Variants in TXNIP observed in about 807,000 individuals in gnomAD.
The protein encoded by TXNIP is thioredoxin interacting protein.
In TXNIP, 23 loss-of-function variants were observed where a neutral mutation model predicts 43.9. The ratio of observed to expected loss-of-function variants is 0.52; its 90% CI spans 0.38 to 0.74. The LOEUF is 0.74. Among genes scored for constraint, TXNIP ranks in the 30% least tolerant of loss-of-function variants. TXNIP has a pLI of 0.00. For synonymous variants in TXNIP, 234 were observed against 172.2 expected, an observed-to-expected ratio of 1.36 and a Z score of -2.81; for missense variants, 555 against 485.4, an observed-to-expected ratio of 1.14 and a Z score of -1.35.
Position 145,994,923 on chromosome 1 carries a change from T to G in TXNIP, c.574+6A>C. 1.9e-6 allele frequency: 3 copies of G among 1,614,150 alleles called. No homozygotes were observed. The highest frequency in any genetic ancestry group is 2.5e-6 in the Non-Finnish European group (3 of 1,180,012). ...GTTTTAACTGCCATAAGCACTAGGA[T>G]TTTACCTTCACAGAATCCTTTTCTG... On this transcript the variant is annotated splice_donor_region_variant and intron_variant, in intron 4 of 7. Transcript: ENST00000582401.
chr1:145,995,113 A>G (rs1553766247), intron 3 of TXNIP, 31 bp downstream of exon 3: 2 of 1,613,774 alleles, frequency 1.2e-6, no homozygotes, highest in Non-Finnish European at 1.7e-6. Context: ...CTCATGACCC[A>G]GGAGAATAGA....
At chr1:145,994,470 A>T in intron 5 of TXNIP, 33 bp from the exon 6 acceptor site, 1 of 1,613,212 alleles carries the variant, frequency 6.2e-7, no homozygotes, top group Non-Finnish European at 8.5e-7. Flanking sequence ...ATTACACCAG[A>T]GGTCTGGAGA....
chr1:145,992,466 A>AT lies in TXNIP; in HGVS notation c.*1384dup, dbSNP rs1173878766. On this transcript the variant is annotated 3_prime_UTR_variant, in exon 8 of 8. Transcript: ENST00000582401. ...TTTCCATTAAAAAAACTTTATTTTC[A>AT]TTTTTTACAAAGAATATCCCCATCT... is the stretch of plus-strand genomic sequence containing the variant. 3.3e-5 allele frequency: 5 copies of AT among 152,514 alleles called. No homozygotes were observed. Among genetic ancestry groups the AT allele is most frequent in the African/African-American group, 1.2e-4 (5 of 41,392 alleles). 9.4% of individuals were successfully genotyped at this position (152,514 alleles called of 1,614,324 possible).
At chr1:145,995,861 G>T in intron 1 of TXNIP, 156 bp downstream of exon 1, 2 of 919,716 alleles carry the variant, frequency 2.2e-6, no homozygotes, top group Non-Finnish European at 3.2e-6. Flanking sequence ...GGGGGGGGAG[G>T]AGAATGTCTG....
intron 6 of TXNIP, 45 bp from the exon 7 acceptor site, chr1:145,994,212 G>T: frequency 6.2e-7 from 1 of 1,612,868 alleles, no homozygotes; most frequent in Admixed American, 1.7e-5. Context: ...CCCAAGAAAT[G>T]CTGGACCATC....
intron 4 of TXNIP, 28 bp downstream of exon 4, chr1:145,994,896 CTGTTT>C (rs782513315): frequency 1.2e-6 from 2 of 1,614,068 alleles, no homozygotes; most frequent in Non-Finnish European, 1.7e-6. Context: ...AACCCAGTTC[CTGTTT>C]TAACTGCCAT....
chr1:145,994,026 G>A lies in TXNIP; in HGVS notation c.1130C>T (p.Thr377Ile). Residue 377 changes from threonine to isoleucine, a missense_variant, in exon 7 of 8, where the codon ACT becomes ATT. Transcript: ENST00000582401. ...GATGACAATCCTCACCTCAGTATAA[G>A]TCGGTGGTGGCATGAACTTGAACTC... The part of the protein sequence containing the change: ...APEFKFMPPP[T>I]YTEVDPCILN... 6.2e-7 allele frequency: 1 copy of A among 1,614,196 alleles called. No homozygotes were observed. Among genetic ancestry groups the A allele is most frequent in the Non-Finnish European group, 8.5e-7 (1 of 1,180,044 alleles).
Position 145,996,335 on chromosome 1 carries a change from A to C in TXNIP, c.-69T>G. ...GAAAAAAAAAGCTCCAAATCGAGGA[A>C]ACCCCTTTGCAAAAAATTATTTCAC... is the stretch of plus-strand genomic sequence containing the variant. On this transcript the variant is annotated 5_prime_UTR_variant, in exon 1 of 8. Transcript: ENST00000582401. 1 of 1,532,704 alleles carries C rather than the reference A, an allele frequency of 6.5e-7. No homozygotes were observed. Among genetic ancestry groups the C allele is most frequent in the Non-Finnish European group, 8.8e-7 (1 of 1,134,472 alleles). The allele number at this position is 1,532,704 out of a possible 1,614,324, so 94.9% of individuals were successfully genotyped here. A position where few individuals can be genotyped will look rare whatever the true frequency, so the allele number is the denominator to read the frequency against.
chr1:145,996,016 C>T lies in TXNIP; in HGVS notation c.250+1G>A, dbSNP rs1191120997. The T allele has an allele frequency of 6.2e-7, 1 of 1,612,988 alleles. No homozygotes were observed. The highest frequency in any genetic ancestry group is 8.5e-7 in the Non-Finnish European group (1 of 1,179,762). Reference sequence around the variant, plus strand: ...CTCCAACAATGAATTGGGCCGCTTACCTGTTGGCTGGTCTTCCAGAAGAAG... The same window carrying T: ...CTCCAACAATGAATTGGGCCGCTTATCTGTTGGCTGGTCTTCCAGAAGAAG... On this transcript the variant is annotated splice_donor_variant, in intron 1 of 7. Transcript: ENST00000582401. LOFTEE classifies it high-confidence loss of function.
rs150097816 is a variant in TXNIP, at chr1:145,994,675, A to G, written c.700T>C (p.Leu234=). 45 of 1,614,146 alleles carry G rather than the reference A, an allele frequency of 2.8e-5. No homozygotes were observed. In the East Asian group the frequency reaches 9.6e-4, roughly 34 times the overall value. Residue 234 remains leucine, a synonymous_variant, in exon 5 of 8, where the codon TTG becomes CTG. Coordinates refer to ENST00000582401, the MANE Select transcript of TXNIP (RefSeq NM_006472.6). ...NGQTKVLTQK[L]SSVRGNHIIS... is the part of the protein sequence containing the mutation. ...ATATGATTGCCTCTGACTGATGACA[A>G]CTTCTGAGTCAGCACCTTGGTCTGG...
Position 145,993,625 on chromosome 1 carries a change from T to A in TXNIP, c.*226A>T. 2 of 473,762 alleles carry A rather than the reference T, an allele frequency of 4.2e-6. No homozygotes were observed. The highest frequency in any genetic ancestry group is 7.5e-6 in the Non-Finnish European group (2 of 266,304). The allele number at this position is 473,762 out of a possible 1,614,324, so 29.3% of individuals were successfully genotyped here. A position where few individuals can be genotyped will look rare whatever the true frequency, so the allele number is the denominator to read the frequency against. On this transcript the variant is annotated 3_prime_UTR_variant, in exon 8 of 8. Transcript: ENST00000582401. Reference sequence around the variant, plus strand: ...GTTTTTCTAGTTATTTTTAAACCCATCCAACAAACACCCCTGTATCACAAC... The same window carrying A: ...GTTTTTCTAGTTATTTTTAAACCCAACCAACAAACACCCCTGTATCACAAC...
chr1:145,993,006 A>AT lies in TXNIP; in HGVS notation c.*844dup, dbSNP rs1651231187. 3 of 152,926 alleles carry AT rather than the reference A, an allele frequency of 2.0e-5. No homozygotes were observed. Among genetic ancestry groups the AT allele is most frequent in the African/African-American group, 7.2e-5 (3 of 41,604 alleles). The allele number at this position is 152,926 out of a possible 1,614,324, so 9.5% of individuals were successfully genotyped here. On this transcript the variant is annotated 3_prime_UTR_variant, in exon 8 of 8. Coordinates refer to ENST00000582401, the MANE Select transcript of TXNIP (RefSeq NM_006472.6). The stretch of plus-strand genomic sequence containing the variant: ...ACACAGTAGACCAGTTTCAGCTTAC[A>AT]TTTAAGATGGCAGAAGGGGAGAACA...
At chr1:145,995,787 C>T in intron 1 of TXNIP, 1 of 629,618 alleles carries the variant, frequency 1.6e-6, no homozygotes, top group Non-Finnish European at 2.7e-6. Flanking sequence ...CCCGAGGCAA[C>T]GCCCCTCAGG....
In TXNIP at chr1:145,994,036, G is replaced by A. The variant is rs781962171; in HGVS notation, c.1120C>T (p.Pro374Ser). The A allele has an allele frequency of 6.2e-7, 1 of 1,614,172 alleles. No individual in the cohort carries two copies. Among genetic ancestry groups the A allele is most frequent in the South Asian group, 1.1e-5 (1 of 91,084 alleles). The change falls in exon 7 of 8, where the codon CCA (proline) becomes TCA (serine). Residue 374 changes from proline (P) to serine (S), a missense_variant. By Grantham distance (74) the Pro-to-Ser change is moderately conservative. Coordinates refer to ENST00000582401, the MANE Select transcript of TXNIP (RefSeq NM_006472.6). ...FMYAPEFKFM[P>S]PPTYTEVDPC... ...CTCACCTCAGTATAAGTCGGTGGTG[G>A]CATGAACTTGAACTCAGGGGCATAC... is the stretch of plus-strand genomic sequence containing the variant.
chr1:145,995,895 G>C lies in TXNIP; in HGVS notation c.250+122C>G. On this transcript the variant is annotated intron_variant, in intron 1 of 7. Transcript: ENST00000582401. ...TGCAAATTAAAACAGAAAAAAGGAA[G>C]CAACAACACGTAATTCAAACCACTC... is the stretch of plus-strand genomic sequence containing the variant. 2.5e-6 allele frequency: 3 copies of C among 1,213,278 alleles called. No individual in the cohort carries two copies. The South Asian group carries it at 4.6e-5, about 19-fold the overall frequency. 75.2% of individuals were successfully genotyped at this position (1,213,278 alleles called of 1,614,324 possible).
Position 145,996,433 on chromosome 1 carries a change from C to T in TXNIP, c.-167G>A. 1 of 820,598 alleles carries T rather than the reference C, an allele frequency of 1.2e-6. No individual in the cohort carries two copies. The highest frequency in any genetic ancestry group is 1.8e-6 in the Non-Finnish European group (1 of 552,690). The allele number at this position is 820,598 out of a possible 1,614,324, so 50.8% of individuals were successfully genotyped here. On this transcript the variant is annotated 5_prime_UTR_variant, in exon 1 of 8. Transcript: ENST00000582401. ...TAAGATTTAAACAAATGAATATTAACTACTAGGTTTTCGAAAAGGCGCCTA... is the reference window on the plus strand; with the variant it reads ...TAAGATTTAAACAAATGAATATTAATTACTAGGTTTTCGAAAAGGCGCCTA...
rs1651422706 is a variant in TXNIP, at chr1:145,995,163, A to C, written c.452T>G (p.Val151Gly). ...KNFEVVDLVD[V>G]NTPDLMAPVS... ...TCTCACCATTAAATCAGGGGTATTG[A>C]CATCCACCAGATCCACTACTTCAAA... The change falls in exon 3 of 8, where the codon GTC becomes GGC. Residue 151 changes from valine (V) to glycine (G), a missense_variant. Coordinates refer to ENST00000582401, the MANE Select transcript of TXNIP (RefSeq NM_006472.6). 1.9e-6 allele frequency: 3 copies of C among 1,614,178 alleles called. No individual in the cohort carries two copies. Among genetic ancestry groups the C allele is most frequent in the Non-Finnish European group, 2.5e-6 (3 of 1,180,032 alleles).
chr1:145,993,718 A>G lies in TXNIP; in HGVS notation c.*133T>C. 9.9e-7 allele frequency: 1 copy of G among 1,011,206 alleles called. No individual in the cohort carries two copies. Among genetic ancestry groups the G allele is most frequent in the Non-Finnish European group, 1.4e-6 (1 of 691,452 alleles). The allele number at this position is 1,011,206 out of a possible 1,614,324, so 62.6% of individuals were successfully genotyped here. ...GGAGATTGCCTGCTGACCACCTCCT[A>G]CATTAGGAAGTCAGAGGCTAAGGTG... On this transcript the variant is annotated 3_prime_UTR_variant, in exon 8 of 8. Transcript: ENST00000582401.
intron 4 of TXNIP, 31 bp from the exon 5 acceptor site, chr1:145,994,831 T>C (rs1387643019): frequency 1.2e-6 from 2 of 1,613,602 alleles, no homozygotes; most frequent in Non-Finnish European, 8.5e-7. Flanking sequence ...AACTTACTGA[T>C]ACTCAGTATA....
Sources: gnomAD v4.1 joint callset for allele counts on GRCh38, gnomAD v4.1.1 for gene constraint, MANE v1.5 for transcripts, NCBI Gene and HGNC (gene_info 2026-07-23, HGNC 2026-07-21) for gene names.